Variants in DEPDC5 observed in about 807,000 individuals in gnomAD.
The protein encoded by DEPDC5 is GATOR1 complex protein DEPDC5.
A neutral mutation model predicts 217.3 loss-of-function variants in DEPDC5; 73 were observed. That is an observed-to-expected ratio of 0.34 (90% confidence interval 0.28 to 0.41). DEPDC5 has a LOEUF of 0.41. Among genes scored for constraint, DEPDC5 ranks in the 10% least tolerant of loss-of-function variants. The pLI is 1.00. For missense variants in DEPDC5, 1,675 were observed against 2,070.1 expected (o/e 0.81, Z 3.70); for synonymous variants, 733 against 756.7 (o/e 0.97, Z 0.51).
chr22:31,906,645 T>C lies in DEPDC5; in HGVS notation c.*148T>C, dbSNP rs1569257319. The C allele has an allele frequency of 8.9e-7, 1 of 1,119,498 alleles. No homozygotes were observed. Among genetic ancestry groups the C allele is most frequent in the African/African-American group, 1.6e-5 (1 of 64,054 alleles). The allele number at this position is 1,119,498 out of a possible 1,614,324, so 69.3% of individuals were successfully genotyped here. On this transcript the variant is annotated 3_prime_UTR_variant, in exon 43 of 43. Coordinates refer to ENST00000651528, the MANE Select transcript of DEPDC5 (RefSeq NM_001242896.3). The surrounding 1 kb of genome is among the most constrained non-coding windows in gnomAD (Gnocchi z 5.1). ...ATTGTTTTTTGTTTGTTTGTTTGTTTGTTTGTTTGTTTTTGGCCCCCACGA... is the reference window on the plus strand; with the variant it reads ...ATTGTTTTTTGTTTGTTTGTTTGTTCGTTTGTTTGTTTTTGGCCCCCACGA...
At chr22:31,792,333 C>G (rs1048627482) in intron 11 of DEPDC5, among the ~76,000 whole-genome samples, 1 of 152,136 alleles carries the variant, frequency 6.6e-6, no homozygotes, top group East Asian at 1.9e-4. Context: ...TGGCTGGGTG[C>G]AGTGGCTCAC....
At chr22:31,817,265 A>G (rs530334479) in intron 21 of DEPDC5, 22 of 187,524 alleles carry the variant, frequency 1.2e-4, no homozygotes, top group Middle Eastern at 2.3e-3. Flanking sequence ...GCCTGCCACC[A>G]TGCCTGGCTA....
Position 31,906,380 on chromosome 22 carries a change from T to C in DEPDC5, c.4695T>C (p.Asp1565=). 1.2e-6 allele frequency: 2 copies of C among 1,614,100 alleles called. No individual in the cohort carries two copies. The highest frequency in any genetic ancestry group is 2.2e-5 in the South Asian group (2 of 91,092). ...CATGGCGCTCCAGCGCCACAGGGGA[T>C]GAAAAGTTTGCTGATCGGCTGCTGA... ...TKTWRSSATG[D]EKFADRLLKD... Residue 1565 remains aspartate, a synonymous_variant, in exon 43 of 43, where the codon GAT becomes GAC. Coordinates refer to ENST00000651528, the MANE Select transcript of DEPDC5 (RefSeq NM_001242896.3). This position sits in a 1 kb window ranked among gnomAD's most constrained non-coding sequence, Gnocchi z 5.1.
At chr22:31,781,222 C>T (rs5749332) in intron 8 of DEPDC5, among the ~76,000 whole-genome samples, 2 of 148,480 alleles carry the variant, frequency 1.3e-5, no homozygotes, top group Non-Finnish European at 3.0e-5. Context: ...GTCTCAAAAA[C>T]AAACAAACAA....
rs369666730 is a variant in DEPDC5 at position 31,816,392 on chromosome 22, A to G, written c.1666+1180A>G. 7 of 148,642 alleles carry G rather than the reference A, an allele frequency of 4.7e-5. No individual in the cohort carries two copies. In the East Asian group the frequency reaches 9.8e-4, roughly 21 times the overall value. The allele number at this position is 148,642 out of a possible 1,614,324, so 9.2% of individuals were successfully genotyped here. Reference sequence around the variant, plus strand: ...TTTGTACCGAATTTATTCCCATACTATCAGTTTTTGTTTCTTCAGTTTCTT... The same window carrying G: ...TTTGTACCGAATTTATTCCCATACTGTCAGTTTTTGTTTCTTCAGTTTCTT... On this transcript the variant is annotated intron_variant, in intron 21 of 42. Coordinates refer to ENST00000651528, the MANE Select transcript of DEPDC5 (RefSeq NM_001242896.3).
intron 10 of DEPDC5, among the ~76,000 whole-genome samples, chr22:31,785,733 G>T (rs182925113): frequency 1.3e-5 from 2 of 152,236 alleles, no homozygotes; most frequent in Non-Finnish European, 2.9e-5. Flanking sequence ...CATCAGAATA[G>T]TGTGATATTG....
At chr22:31,811,833 A>C (rs572334736) in intron 20 of DEPDC5, among the ~76,000 whole-genome samples, 1 of 151,994 alleles carries the variant, frequency 6.6e-6, no homozygotes, top group Non-Finnish European at 1.5e-5. Context: ...GGCATGAGCC[A>C]CTGCACTCAG....
chr22:31,875,650 T>TG (rs2092970401), intron 36 of DEPDC5: 1 of 128,192 alleles, frequency 7.8e-6, no homozygotes, highest in Non-Finnish European at 1.6e-5. Flanking sequence ...TTTTTTTTTT[T>TG]GAGACAGAGT....
intron 38 of DEPDC5, among the ~76,000 whole-genome samples, chr22:31,881,688 G>A (rs1252988390): frequency 6.6e-6 from 1 of 152,036 alleles, no homozygotes; most frequent in Admixed American, 6.6e-5. Context: ...GCTCATGCAT[G>A]TAATCCCAGC....
intron 27 of DEPDC5, among the ~76,000 whole-genome samples, chr22:31,841,009 G>A (rs1309920965): frequency 6.6e-6 from 1 of 152,250 alleles, no homozygotes; most frequent in African/African-American, 2.4e-5. Context: ...GGGGGTGTCA[G>A]GTACGATGTC....
chr22:31,764,086 C>T (rs965587960), intron 4 of DEPDC5, among the ~76,000 whole-genome samples: 22 of 151,968 alleles, frequency 1.4e-4, no homozygotes, highest in African/African-American at 4.6e-4. Flanking sequence ...CGCACCACGA[C>T]ACCTGGCTAA....
intron 9 of DEPDC5, 120 bp downstream of exon 9, chr22:31,784,105 G>A (rs1228403975): frequency 2.6e-6 from 2 of 762,056 alleles, no homozygotes; most frequent in African/African-American, 1.8e-5. Context: ...AAATATCATT[G>A]TGAGAATAAT....
intron 14 of DEPDC5, among the ~76,000 whole-genome samples, chr22:31,801,514 T>A (rs939248959): frequency 6.6e-6 from 1 of 152,176 alleles, no homozygotes; most frequent in Non-Finnish European, 1.5e-5. Context: ...GATGTACTGA[T>A]TTAGTTTAAA....
chr22:31,878,933 A>G (rs1439333031), intron 37 of DEPDC5, among the ~76,000 whole-genome samples: 2 of 150,712 alleles, frequency 1.3e-5, no homozygotes, highest in South Asian at 2.1e-4. Context: ...AGGCTGAGGT[A>G]GGAGAATCAC....
At chr22:31,825,177 A>G (rs2148853232) in intron 24 of DEPDC5, among the ~76,000 whole-genome samples, 1 of 152,264 alleles carries the variant, frequency 6.6e-6, no homozygotes, top group Non-Finnish European at 1.5e-5. Context: ...GGGGAATTAC[A>G]GGTTCTGATG....
At chr22:31,890,526 A>G (rs1403325464) in intron 38 of DEPDC5, 3 of 151,898 alleles carry the variant, frequency 2.0e-5, no homozygotes, top group East Asian at 2.0e-4. Flanking sequence ...CCTGGCCAAC[A>G]TAGGGAAACC....
rs761983277 is a variant in DEPDC5, at chr22:31,783,991, G to A, written c.562+6G>A. 1 of 1,611,918 alleles carries A rather than the reference G, an allele frequency of 6.2e-7. No homozygotes were observed. Among genetic ancestry groups the A allele is most frequent in the Non-Finnish European group, 8.5e-7 (1 of 1,179,228 alleles). On this transcript the variant is annotated splice_donor_region_variant and intron_variant, in intron 9 of 42. Transcript: ENST00000651528. ...GTGGGATTTTGATATTTATGGTACT[G>A]TGTCTATGTGCTGATTGTAACTGCT...
intron 24 of DEPDC5, among the ~76,000 whole-genome samples, chr22:31,831,739 G>A (rs2090613525): frequency 1.3e-5 from 2 of 152,146 alleles, no homozygotes; most frequent in Admixed American, 6.5e-5. Flanking sequence ...GAGATTACAG[G>A]CGTGAGCCCA....
chr22:31,885,496 C>A (rs1023058478), intron 38 of DEPDC5, among the ~76,000 whole-genome samples: 5 of 152,036 alleles, frequency 3.3e-5, no homozygotes, highest in African/African-American at 1.2e-4. Flanking sequence ...GAGGCCGAGG[C>A]GGGTGGATCA....
Sources: gnomAD v4.1 joint callset for allele counts (sites outside exome capture counted in the v4.1 genomes callset) on GRCh38, gnomAD v4.1.1 for gene constraint, Gnocchi (gnomAD v3.1) non-coding constraint, MANE v1.5 for transcripts, NCBI Gene and HGNC (gene_info 2026-07-23, HGNC 2026-07-21) for gene names.